The following EFNB1 variants were observed in gnomAD, a reference collection of about 807,000 sequenced individuals.
EFNB1 encodes ephrin B1.
In EFNB1, 1 loss-of-function variant was observed where a neutral mutation model predicts 18.1. That is an observed-to-expected ratio of 0.06 (90% CI 0.02 to 0.26). The LOEUF (loss-of-function observed/expected upper bound fraction) is 0.26, where lower values mean the gene tolerates loss of function less well. EFNB1 is among the 10% of genes least tolerant of loss of function. The pLI, the probability that EFNB1 is intolerant of heterozygous loss-of-function variation, is 1.00. For synonymous variants in EFNB1, 131 were observed against 127.5 expected, an observed-to-expected ratio of 1.03 and a Z score of -0.19; for missense variants, 221 against 301.8, an observed-to-expected ratio of 0.73 and a Z score of 1.98.
In EFNB1 at chrX:68,829,894, C is replaced by G. The variant is rs1281054425; in HGVS notation, c.118C>G (p.Leu40Val). The G allele has an allele frequency of 5.1e-6, 6 of 1,168,949 alleles. No homozygotes were observed. Among genetic ancestry groups the G allele is most frequent in the Non-Finnish European group, 6.9e-6 (6 of 873,401 alleles). Residue 40 changes from leucine (L) to valine (V), a missense_variant, in exon 1 of 5, where the codon CTC (leucine) becomes GTC (valine). By Grantham distance (32) the Leu-to-Val change is conservative. Coordinates refer to ENST00000204961, the MANE Select transcript of EFNB1 (RefSeq NM_004429.5). ...CCTGGAGCCCGTATCCTGGAGCTCC[C>G]TCAACCCCAAGTGAGTAACTTATCT... is the stretch of plus-strand genomic sequence containing the variant. ...KNLEPVSWSSLNPKFLSGKGL... is the reference protein window; with the variant it reads ...KNLEPVSWSSVNPKFLSGKGL...
Position 68,838,839 on chromosome X carries a change from C to T in EFNB1, c.351C>T (p.Phe117=). 1 of 1,204,793 alleles carries T rather than the reference C, an allele frequency of 8.3e-7. No homozygotes were observed. Among genetic ancestry groups the T allele is most frequent in the Non-Finnish European group, 1.1e-6 (1 of 891,810 alleles). Residue 117 remains phenylalanine (F), a synonymous_variant, in exon 2 of 5, where the codon TTC becomes TTT. Coordinates refer to ENST00000204961, the MANE Select transcript of EFNB1 (RefSeq NM_004429.5). The stretch of plus-strand genomic sequence containing the variant: ...GCTTTACCATCAAGTTCCAGGAGTT[C>T]AGCCCCAACTACATGGGCCTGGAGT... ...EIRFTIKFQE[F]SPNYMGLEFK... is the part of the protein sequence containing the mutation.
At chrX:68,840,144 C>G in intron 4 of EFNB1, 56 bp downstream of exon 4, 3 of 1,210,289 alleles carry the variant, frequency 2.5e-6, no homozygotes, top group Non-Finnish European at 3.4e-6. Context: ...CCTTGTTAGG[C>G]CCTGTCCCTG....
chrX:68,839,251 C>T (rs1008443257), intron 2 of EFNB1, among the ~76,000 whole-genome samples: 3 of 112,443 alleles, frequency 2.7e-5, no homozygotes, highest in African/African-American at 6.5e-5. Flanking sequence ...AAACCAAGGC[C>T]CCAAAAGGTG....
In EFNB1 at chrX:68,840,834, C is replaced by T. The variant is rs1227150273; in HGVS notation, c.*180C>T. The T allele has an allele frequency of 1.6e-5, 8 of 514,256 alleles. No individual in the cohort carries two copies. Among genetic ancestry groups the T allele is most frequent in the Non-Finnish European group, 2.6e-5 (8 of 311,164 alleles). 42.4% of individuals were successfully genotyped at this position (514,256 alleles called of 1,213,427 possible). A position where few individuals can be genotyped will look rare whatever the true frequency, so the allele number is the denominator to read the frequency against. On this transcript the variant is annotated 3_prime_UTR_variant, in exon 5 of 5. Transcript: ENST00000204961. ...TGGGCTTCGGAGGGGGGTGCTTGTG[C>T]CCCTAACCCCCATGCTCTTGTGCCT...
rs1428168810 is a variant in EFNB1, at chrX:68,829,412, AAGACCCCGTCGGGGAGAGGGCGCGC to A, written c.-362_-338del. The A allele has an allele frequency of 1.4e-4, 32 of 222,012 alleles. No homozygotes were observed. Among genetic ancestry groups the A allele is most frequent in the African/African-American group, 9.9e-4 (32 of 32,301 alleles). 18.3% of individuals were successfully genotyped at this position (222,012 alleles called of 1,213,427 possible). ...GGGCGGTCACCGAGACCTCTGCGGG[AAGACCCCGTCGGGGAGAGGGCGCGC>A]AGCCCCGAAGCGTCTCGGGAAGTCG... On this transcript the variant is annotated 5_prime_UTR_variant, in exon 1 of 5. Transcript: ENST00000204961.
At position 68,829,604 on chromosome X, in the gene EFNB1, G is replaced by T; in HGVS notation, c.-173G>T. The T allele has an allele frequency of 2.3e-6, 2 of 853,158 alleles. No homozygotes were observed. The highest frequency in any genetic ancestry group is 1.6e-6 in the Non-Finnish European group (1 of 610,811). 70.3% of individuals were successfully genotyped at this position (853,158 alleles called of 1,213,427 possible). Reference sequence around the variant, plus strand: ...GGCTGCCCAGTGAGTCCTCCTGGCCGGCCGGGCGGAGAAGAGCGACACCGA... The same window carrying T: ...GGCTGCCCAGTGAGTCCTCCTGGCCTGCCGGGCGGAGAAGAGCGACACCGA... On this transcript the variant is annotated 5_prime_UTR_variant, in exon 1 of 5. Coordinates refer to ENST00000204961, the MANE Select transcript of EFNB1 (RefSeq NM_004429.5).
At chrX:68,831,361 G>C (rs752920770) in intron 1 of EFNB1, among the ~76,000 whole-genome samples, 1 of 111,743 alleles carries the variant, frequency 8.9e-6, no homozygotes, top group South Asian at 3.8e-4. Context: ...CAGGGTTGGG[G>C]TGGAGGGCTC....
In EFNB1 at chrX:68,841,513, G is replaced by C. The variant is rs1205401522; in HGVS notation, c.*859G>C. On this transcript the variant is annotated 3_prime_UTR_variant, in exon 5 of 5. Transcript: ENST00000204961. ...TGCTGCAGGCAGATGACCTCATGGG[G>C]GGTGGAGGGAGGTGAGGTGCCCAGG... 2 of 112,984 alleles carry C rather than the reference G, an allele frequency of 1.8e-5. No individual in the cohort carries two copies. Among genetic ancestry groups the C allele is most frequent in the Admixed American group, 9.3e-5 (1 of 10,780 alleles). 9.3% of individuals were successfully genotyped at this position (112,984 alleles called of 1,213,427 possible).
chrX:68,833,931 G>A (rs941848275), intron 1 of EFNB1, among the ~76,000 whole-genome samples: 28 of 112,586 alleles, frequency 2.5e-4, no homozygotes, highest in African/African-American at 8.7e-4. Flanking sequence ...CCGGACAAGG[G>A]AAGTGACTTG....
chrX:68,838,162 T>G (rs867068751), intron 1 of EFNB1, among the ~76,000 whole-genome samples: 2 of 59,579 alleles, frequency 3.4e-5, no homozygotes, highest in Non-Finnish European at 5.6e-5. Context: ...TGTGTGTGTG[T>G]GTGTGTGTGT....
At chrX:68,839,571 CT>C in intron 2 of EFNB1, 92 bp from the exon 3 acceptor site, 2 of 863,508 alleles carry the variant, frequency 2.3e-6, no homozygotes, top group Non-Finnish European at 3.4e-6. Context: ...GTTTCTCTCC[CT>C]GTTGGCTGAA....
Position 68,840,862 on chromosome X carries a change from C to T in EFNB1, c.*208C>T, listed in dbSNP as rs2080476450. On this transcript the variant is annotated 3_prime_UTR_variant, in exon 5 of 5. Transcript: ENST00000204961. ...CTAACCCCCATGCTCTTGTGCCTTC[C>T]CCCTCTGGCCAGGCCTCTGGGCTCC... 3 of 459,419 alleles carry T rather than the reference C, an allele frequency of 6.5e-6. No homozygotes were observed. Among genetic ancestry groups the T allele is most frequent in the African/African-American group, 2.4e-5 (1 of 41,706 alleles). The allele number at this position is 459,419 out of a possible 1,213,427, so 37.9% of individuals were successfully genotyped here.
In EFNB1 at chrX:68,829,754, A is replaced by T. The variant is rs2080438996; in HGVS notation, c.-23A>T. ...GGTGAGGAGGCGCCAAGGGATCCCG[A>T]AGTGCAGTCTGCCCCCGGGAAGATG... On this transcript the variant is annotated 5_prime_UTR_variant, in exon 1 of 5. Transcript: ENST00000204961. The T allele has an allele frequency of 8.5e-7, 1 of 1,181,750 alleles. No individual in the cohort carries two copies. Among genetic ancestry groups the T allele is most frequent in the African/African-American group, 1.8e-5 (1 of 56,784 alleles).
At chrX:68,830,199 G>T (rs368953256) in intron 1 of EFNB1, among the ~76,000 whole-genome samples, 5 of 111,880 alleles carry the variant, frequency 4.5e-5, no homozygotes, top group African/African-American at 1.6e-4. Context: ...GCGCCCGAGA[G>T]CGCACCGGAG....
At chrX:68,838,172 T>TGTGTGCGC (rs1414068420) in intron 1 of EFNB1, among the ~76,000 whole-genome samples, 2 of 31,752 alleles carry the variant, frequency 6.3e-5, no homozygotes, top group Non-Finnish European at 1.1e-4. Flanking sequence ...TGTGTGTGTG[T>TGTGTGCGC]GCGCGCGCGC....
rs1321130088 is a variant in EFNB1, at chrX:68,837,354, G to C, written c.129-1263G>C. The stretch of plus-strand genomic sequence containing the variant: ...CTATTGTGTGCTAGGTGTTCTCCAT[G>C]TGCTGCCTTGTCTCCCCACCACAAT... On this transcript the variant is annotated intron_variant, in intron 1 of 4. Coordinates refer to ENST00000204961, the MANE Select transcript of EFNB1 (RefSeq NM_004429.5). Among the ~76,000 whole-genome samples the C allele has an allele frequency of 3.6e-5, 4 of 111,536 alleles. No homozygotes were observed. The Admixed American group carries it at 3.8e-4, about 11-fold the overall frequency.
In EFNB1 at chrX:68,829,251, C is replaced by G. The variant is rs921520186; in HGVS notation, c.-526C>G. ...AGAAGCTGTCCGGGGGCGCGTAGCC[C>G]GGAGTCCCAGTGTGGCCCGGAGGAA... On this transcript the variant is annotated 5_prime_UTR_variant, in exon 1 of 5. Transcript: ENST00000204961. 1.3e-5 allele frequency: 2 copies of G among 151,017 alleles called. No individual in the cohort carries two copies. Among genetic ancestry groups the G allele is most frequent in the African/African-American group, 3.2e-5 (1 of 31,361 alleles). The allele number at this position is 151,017 out of a possible 1,213,427, so 12.4% of individuals were successfully genotyped here. A position where few individuals can be genotyped will look rare whatever the true frequency, so the allele number is the denominator to read the frequency against.
At chrX:68,832,245 G>A (rs191223109) in intron 1 of EFNB1, among the ~76,000 whole-genome samples, 370 of 110,907 alleles carry the variant, frequency 3.3e-3, no homozygotes, top group African/African-American at 0.011. Context: ...CCCTCCGCGA[G>A]CAGCGCTCAC....
At chrX:68,834,924 T>C in intron 1 of EFNB1, among the ~76,000 whole-genome samples, 1 of 112,438 alleles carries the variant, frequency 8.9e-6, no homozygotes, top group Non-Finnish European at 1.9e-5. Flanking sequence ...CTGTAAATTG[T>C]ATTCACATGG....
Sources: allele counts gnomAD v4.1 joint callset (sites outside exome capture counted in the v4.1 genomes callset), GRCh38; gene constraint gnomAD v4.1.1; transcripts MANE v1.5; gene names NCBI Gene and HGNC (gene_info 2026-07-23, HGNC 2026-07-21).